WEE2: variants seen among roughly 807,000 people sequenced by gnomAD.
The protein encoded by WEE2 is WEE2 oocyte meiosis inhibiting kinase, also known as wee1-like protein kinase 2.
In WEE2, 50 loss-of-function variants were observed where a neutral mutation model predicts 60.1. That is an observed-to-expected ratio of 0.83 (90% CI 0.66 to 1.05). WEE2 has a LOEUF of 1.05. Ranked by LOEUF, WEE2 falls within the 50% of genes least tolerant of loss-of-function variation. The pLI, the probability that WEE2 is intolerant of heterozygous loss-of-function variation, is 0.00. For missense variants in WEE2, 631 were observed against 684.3 expected, an observed-to-expected ratio of 0.92 and a Z score of 0.87; for synonymous variants, 240 against 241.0, an observed-to-expected ratio of 1.00 and a Z score of 0.04.
intron 3 of WEE2, among the ~76,000 whole-genome samples, chr7:141,716,720 CT>C (rs1373780903): frequency 6.6e-6 from 1 of 151,904 alleles, no homozygotes; most frequent in African/African-American, 2.4e-5. Flanking sequence ...CTATTTTAAT[CT>C]GGAGAAAAAC....
rs1315585996 is a variant in WEE2 at position 141,719,268 on chromosome 7, A to G, written c.758+24A>G. The G allele has an allele frequency of 5.8e-6, 9 of 1,556,064 alleles. No individual in the cohort carries two copies. In the South Asian group the frequency reaches 8.5e-5, roughly 15 times the overall value. On this transcript the variant is annotated intron_variant, in intron 4 of 11. Transcript: ENST00000397541. ...GAGTGAGTACCTTTGAAATGCACTA[A>G]AAATATAAACTTAGATTTGGAGAGT...
intron 2 of WEE2, 52 bp downstream of exon 2, chr7:141,714,457 G>A: frequency 2.2e-6 from 3 of 1,338,590 alleles, no homozygotes; most frequent in Non-Finnish European, 3.1e-6. Context: ...CTACAGTCAA[G>A]TAGTAAGAAG....
rs1371956746 is a variant in WEE2, at chr7:141,708,941, C to T, written c.183C>T (p.Ser61=). The change falls in exon 1 of 12, where the codon AGC becomes AGT. Residue 61 remains serine, a synonymous_variant. Transcript: ENST00000397541. ...GTACACCACCTTGGACTCCCCTTAG[C>T]AACGTGCATGAGCTCGACACATCTT... The part of the protein sequence containing the change: ...AKGTPPWTPL[S]NVHELDTSSE... 21 of 1,614,020 alleles carry T rather than the reference C, an allele frequency of 1.3e-5. No homozygotes were observed. Among genetic ancestry groups the T allele is most frequent in the Non-Finnish European group, 1.8e-5 (21 of 1,180,020 alleles).
At position 141,708,686 on chromosome 7, in the gene WEE2, C is replaced by T. The variant is rs1798659372; in HGVS notation, c.-73C>T. On this transcript the variant is annotated 5_prime_UTR_variant, in exon 1 of 12. Transcript: ENST00000397541. Reference sequence around the variant, plus strand: ...CTGCAGGTTAAGTTATTTTCTCCTCCCTGCTTCTGTAGGTTCACAGCGTTC... The same window carrying T: ...CTGCAGGTTAAGTTATTTTCTCCTCTCTGCTTCTGTAGGTTCACAGCGTTC... 15 of 1,339,770 alleles carry T rather than the reference C, an allele frequency of 1.1e-5. No individual in the cohort carries two copies. The South Asian group carries it at 1.2e-4, about 11-fold the overall frequency. The allele number at this position is 1,339,770 out of a possible 1,614,324, so 83.0% of individuals were successfully genotyped here.
At chr7:141,716,492 CCCT>C (rs995022862) in intron 3 of WEE2, among the ~76,000 whole-genome samples, 2 of 150,680 alleles carry the variant, frequency 1.3e-5, no homozygotes, top group African/African-American at 4.9e-5. Context: ...TCCCCATCTC[CCCT>C]CCTCCCCTCC....
rs567008137 is a variant in WEE2 at position 141,720,839 on chromosome 7, T to C, written c.759-96T>C. The stretch of plus-strand genomic sequence containing the variant: ...AGCAGTGAGCTCTCAATAAATATTC[T>C]GCCATTGCTAGTAAAGCCTCATATT... On this transcript the variant is annotated intron_variant, in intron 4 of 11. Coordinates refer to ENST00000397541, the MANE Select transcript of WEE2 (RefSeq NM_001105558.1). 2.8e-4 allele frequency: 365 copies of C among 1,315,752 alleles called. 2 individuals are homozygous for C. In the African/African-American group the frequency reaches 4.3e-3, roughly 15 times the overall value. 81.5% of individuals were successfully genotyped at this position (1,315,752 alleles called of 1,614,324 possible).
At chr7:141,714,505 T>G in intron 2 of WEE2, 100 bp downstream of exon 2, 1 of 913,166 alleles carries the variant, frequency 1.1e-6, no homozygotes, top group Non-Finnish European at 1.7e-6. Context: ...GAACTCTATT[T>G]GAATGAAATG....
intron 9 of WEE2, 102 bp from the exon 10 acceptor site, chr7:141,727,202 A>T: frequency 7.6e-7 from 1 of 1,308,884 alleles, no homozygotes; most frequent in Non-Finnish European, 1.1e-6. Flanking sequence ...GCAATGTCTT[A>T]CAAAATCCAC....
chr7:141,714,573 C>T (rs1396848943), intron 2 of WEE2, among the ~76,000 whole-genome samples, 168 bp downstream of exon 2: 1 of 152,186 alleles, frequency 6.6e-6, no homozygotes, highest in African/African-American at 2.4e-5. Context: ...CCTGCTTTAT[C>T]ACAGAGATTC....
At chr7:141,717,768 CTT>C (rs1798832283) in intron 3 of WEE2, among the ~76,000 whole-genome samples, 1 of 152,164 alleles carries the variant, frequency 6.6e-6, no homozygotes, top group South Asian at 2.1e-4. Flanking sequence ...AAGTAAATAA[CTT>C]TTAATGCTAT....
intron 6 of WEE2, 23 bp from the exon 7 acceptor site, chr7:141,723,918 C>G: frequency 6.7e-7 from 1 of 1,497,360 alleles, no homozygotes; most frequent in Non-Finnish European, 9.2e-7. Context: ...TTACTTACAT[C>G]TATCCTGTCA....
Position 141,716,202 on chromosome 7 carries a change from C to CA in WEE2, c.540-20_540-19insA, listed in dbSNP as rs1554414567. 6.3e-6 allele frequency: 10 copies of CA among 1,596,486 alleles called. No homozygotes were observed. In the Middle Eastern group the frequency reaches 1.3e-3, roughly 203 times the overall value. On this transcript the variant is annotated intron_variant, in intron 2 of 11. Coordinates refer to ENST00000397541, the MANE Select transcript of WEE2 (RefSeq NM_001105558.1). ...TAAATATTAATTATATATTGATAAA[C>CA]TTTTTTTTTCTTTTTTAAGTGAGGA...
At position 141,719,163 on chromosome 7, in the gene WEE2, T is replaced by C. The variant is rs373121993; in HGVS notation, c.677T>C (p.Val226Ala). The change falls in exon 4 of 12, where the codon GTC (valine) becomes GCC (alanine). Residue 226 changes from valine (V) to alanine (A), a missense_variant. Physicochemically the swap from Val to Ala is moderately conservative, Grantham distance 64 (BLOSUM62 0). Transcript: ENST00000397541. ...ATTGGGGTTGGCGAATTTGGTACAG[T>C]CTACAAGTGCATTAAGAGGCTGGAT... is the stretch of plus-strand genomic sequence containing the variant. ...EKIGVGEFGT[V>A]YKCIKRLDGC... is the part of the protein sequence containing the mutation. 6.2e-6 allele frequency: 10 copies of C among 1,614,070 alleles called. No individual in the cohort carries two copies. The African/African-American group carries it at 9.3e-5, about 15-fold the overall frequency.
rs75014681 is a variant in WEE2 at position 141,709,109 on chromosome 7, G to A, written c.342+9G>A. 1.9e-6 allele frequency: 3 copies of A among 1,607,748 alleles called. No homozygotes were observed. The East Asian group carries it at 6.7e-5, about 36-fold the overall frequency. On this transcript the variant is annotated intron_variant, in intron 1 of 11. Coordinates refer to ENST00000397541, the MANE Select transcript of WEE2 (RefSeq NM_001105558.1). ...GCCCCTCTACTCCCAAAGTAAGTAA[G>A]GGGTGGGGGAAAAAGGGACGCAGGT...
At chr7:141,716,352 TCTCCTCC>T (rs1175334707) in intron 3 of WEE2, 85 bp downstream of exon 3, 25 of 1,279,528 alleles carry the variant, frequency 2.0e-5, no homozygotes, top group Non-Finnish European at 1.9e-5. Context: ...TCTCCCTCTC[TCTCCTCC>T]CTCCTCCCTT....
Position 141,708,933 on chromosome 7 carries a change from C to G in WEE2, c.175C>G (p.Pro59Ala). 6.2e-7 allele frequency: 1 copy of G among 1,614,128 alleles called. No individual in the cohort carries two copies. Among genetic ancestry groups the G allele is most frequent in the Non-Finnish European group, 8.5e-7 (1 of 1,180,024 alleles). The part of the protein sequence containing the change: ...SEAKGTPPWT[P>A]LSNVHELDTS... ...GGCAAAGGGTACACCACCTTGGACT[C>G]CCCTTAGCAACGTGCATGAGCTCGA... The change falls in exon 1 of 12, where the codon CCC (proline) becomes GCC (alanine). Residue 59 changes from proline to alanine, a missense_variant. Coordinates refer to ENST00000397541, the MANE Select transcript of WEE2 (RefSeq NM_001105558.1).
At chr7:141,713,651 T>C (rs1367068623) in intron 1 of WEE2, among the ~76,000 whole-genome samples, 1 of 152,328 alleles carries the variant, frequency 6.6e-6, no homozygotes, top group Middle Eastern at 3.4e-3. Context: ...TTTTTCATGT[T>C]TAAATAGTCT....
Position 141,724,156 on chromosome 7 carries a change from G to C in WEE2, c.1136-34G>C, listed in dbSNP as rs377075519. ...ACATGCTTTTAAAGCTCTTTTGTTC[G>C]ATTTTATTCTTTTTTCCTTTTTCTT... is the stretch of plus-strand genomic sequence containing the variant. On this transcript the variant is annotated intron_variant, in intron 7 of 11. Transcript: ENST00000397541. 3 of 1,591,646 alleles carry C rather than the reference G, an allele frequency of 1.9e-6. No individual in the cohort carries two copies. In the South Asian group the frequency reaches 3.5e-5, roughly 18 times the overall value.
chr7:141,722,400 G>A (rs187114600), intron 5 of WEE2, among the ~76,000 whole-genome samples: 65 of 151,772 alleles, frequency 4.3e-4, no homozygotes, highest in Admixed American at 6.6e-4. Flanking sequence ...GTGAGACTCC[G>A]TCTCAAAAAA....
Sources: allele counts gnomAD v4.1 joint callset (sites outside exome capture counted in the v4.1 genomes callset), GRCh38; gene constraint gnomAD v4.1.1; transcripts MANE v1.5; gene names NCBI Gene and HGNC (gene_info 2026-07-23, HGNC 2026-07-21).